Variants in CAGE1 observed in about 807,000 individuals in gnomAD.
CAGE1 encodes cancer antigen 1, also known as cancer-associated gene 1 protein.
In CAGE1, 66 loss-of-function variants were observed where a neutral mutation model predicts 94.9. That is an observed-to-expected ratio of 0.70 (90% confidence interval 0.57 to 0.85). The LOEUF (loss-of-function observed/expected upper bound fraction) is 0.85, where lower values mean the gene tolerates loss of function less well. Among genes scored for constraint, CAGE1 ranks in the 40% least tolerant of loss-of-function variants. The pLI is 0.00. For missense variants in CAGE1, 865 were observed against 950.4 expected (o/e 0.91, Z 1.18); for synonymous variants, 319 against 321.0 (o/e 0.99, Z 0.07).
In CAGE1 at chr6:7,378,890, T is replaced by C; in HGVS notation, c.414A>G (p.Thr138=). ...HWVEAFDDEM[T]EKPEFQSQVY... ...CTTGACTTTGAAATTCTGGCTTCTC[T>C]GTCATTTCATCATCAAATGCTTCTA... Residue 138 remains threonine, a synonymous_variant, in exon 4 of 14, where the codon ACA becomes ACG. Coordinates refer to ENST00000502583, the MANE Select transcript of CAGE1 (RefSeq NM_001170692.2). 3 of 1,610,344 alleles carry C rather than the reference T, an allele frequency of 1.9e-6. No homozygotes were observed. The African/African-American group carries it at 4.0e-5, about 21-fold the overall frequency.
chr6:7,353,971 A>G (rs1023239040), intron 11 of CAGE1, among the ~76,000 whole-genome samples: 21 of 152,052 alleles, frequency 1.4e-4, no homozygotes, highest in Non-Finnish European at 7.4e-5. Context: ...GAGGGATAAA[A>G]GACTATAAAT....
intron 4 of CAGE1, among the ~76,000 whole-genome samples, chr6:7,375,958 G>A (rs1336963860): frequency 3.3e-5 from 5 of 152,168 alleles, no homozygotes; most frequent in African/African-American, 4.8e-5. Context: ...ATCCCCTAAA[G>A]TTAACGTGCC....
At chr6:7,329,405 A>G in intron 13 of CAGE1, 1 of 344,312 alleles carries the variant, frequency 2.9e-6, no homozygotes. Context: ...AGGGGACTTT[A>G]TACGCCTCGC....
intron 11 of CAGE1, among the ~76,000 whole-genome samples, chr6:7,345,319 C>G (rs1018698299): frequency 6.6e-6 from 1 of 152,006 alleles, no homozygotes; most frequent in African/African-American, 2.4e-5. Flanking sequence ...TCTGAACCAG[C>G]GAGACCACTA....
intron 11 of CAGE1, among the ~76,000 whole-genome samples, chr6:7,345,397 A>G (rs868512719): frequency 9.2e-5 from 14 of 152,220 alleles, no homozygotes; most frequent in Non-Finnish European, 1.8e-4. Context: ...CAGATGTGCC[A>G]TCTTAAGAGC....
In CAGE1 at chr6:7,333,630, C is replaced by A. The variant is rs556665434; in HGVS notation, c.2438+392G>T. Among the ~76,000 whole-genome samples, 288 of 64,436 alleles carry A rather than the reference C, an allele frequency of 4.5e-3. 2 individuals carry two copies. Among genetic ancestry groups the A allele is most frequent in the African/African-American group, 0.023 (265 of 11,514 alleles). The allele number at this position is 64,436 out of a possible 152,430, so 42.3% of individuals were successfully genotyped here. Reference sequence around the variant, plus strand: ...TTTTTTTTAAGTATTATCTAACTATCTATCTAACTATCTATATATATATAT... The same window carrying A: ...TTTTTTTTAAGTATTATCTAACTATATATCTAACTATCTATATATATATAT... On this transcript the variant is annotated intron_variant, in intron 12 of 13. Transcript: ENST00000502583.
intron 9 of CAGE1, among the ~76,000 whole-genome samples, chr6:7,364,560 C>G (rs1328576896): frequency 6.6e-6 from 1 of 152,162 alleles, no homozygotes; most frequent in African/African-American, 2.4e-5. Context: ...CCTCCGCCCT[C>G]TGAGTTCAAG....
intron 11 of CAGE1, chr6:7,347,502 G>GT (rs1491112321): frequency 1.6e-5 from 2 of 121,746 alleles, no homozygotes; most frequent in Non-Finnish European, 3.5e-5. Flanking sequence ...CAAAGCGAGG[G>GT]TGGGGGGGGG....
intron 11 of CAGE1, chr6:7,347,377 G>A (rs1211082841): frequency 6.6e-6 from 1 of 152,088 alleles, no homozygotes; most frequent in Non-Finnish European, 1.5e-5. Context: ...CTTACCTGGA[G>A]CTGAGTCAAT....
At chr6:7,330,234 A>G (rs1758700113) in intron 12 of CAGE1, among the ~76,000 whole-genome samples, 1 of 152,140 alleles carries the variant, frequency 6.6e-6, no homozygotes, top group Admixed American at 6.6e-5. Flanking sequence ...CCAAAAATAC[A>G]AAGATTACCT....
chr6:7,335,774 G>T (rs1758933745), intron 11 of CAGE1, among the ~76,000 whole-genome samples: 1 of 152,134 alleles, frequency 6.6e-6, no homozygotes, highest in Non-Finnish European at 1.5e-5. Context: ...CAAGAGTCTT[G>T]CTATGTTGCC....
chr6:7,381,531 C>A (rs1465647146), intron 3 of CAGE1, among the ~76,000 whole-genome samples: 2 of 136,828 alleles, frequency 1.5e-5, no homozygotes, highest in Non-Finnish European at 3.2e-5. Flanking sequence ...TTTTCTATTA[C>A]GTGCCTTTTT....
chr6:7,339,288 C>G lies in CAGE1; in HGVS notation c.2370-5198G>C, dbSNP rs1276826862. The G allele has an allele frequency of 1.9e-6, 3 of 1,582,412 alleles. No homozygotes were observed. The highest frequency in any genetic ancestry group is 1.3e-5 in the African/African-American group (1 of 74,242). Reference sequence around the variant, plus strand: ...TGCCTGGGCAATGGCACACAGACCCCTAGTGGCCACCTCTTCAGCATAAAG... The same window carrying G: ...TGCCTGGGCAATGGCACACAGACCCGTAGTGGCCACCTCTTCAGCATAAAG... On this transcript the variant is annotated intron_variant, in intron 11 of 13. Coordinates refer to ENST00000502583, the MANE Select transcript of CAGE1 (RefSeq NM_001170692.2). The surrounding 1 kb of genome is among the most constrained non-coding windows in gnomAD (Gnocchi z 4.7).
intron 13 of CAGE1, among the ~76,000 whole-genome samples, chr6:7,327,151 C>G (rs1475340571): frequency 6.6e-6 from 1 of 152,150 alleles, no homozygotes; most frequent in Non-Finnish European, 1.5e-5. Flanking sequence ...CTCCCAGGTT[C>G]AAGCGATTCT....
At chr6:7,376,685 C>T (rs923681392) in intron 4 of CAGE1, among the ~76,000 whole-genome samples, 2 of 152,182 alleles carry the variant, frequency 1.3e-5, no homozygotes, top group Non-Finnish European at 2.9e-5. Flanking sequence ...ATCTGCTGTA[C>T]CCCTCCTCCT....
At chr6:7,344,346 G>A (rs1411285420) in intron 11 of CAGE1, among the ~76,000 whole-genome samples, 2 of 152,250 alleles carry the variant, frequency 1.3e-5, no homozygotes, top group Non-Finnish European at 2.9e-5. Context: ...GGGCAATGAG[G>A]GGTTTAGCAC....
chr6:7,337,895 T>C (rs1759018992), intron 11 of CAGE1, among the ~76,000 whole-genome samples: 1 of 152,232 alleles, frequency 6.6e-6, no homozygotes, highest in Non-Finnish European at 1.5e-5. Context: ...AAATTGGAAT[T>C]GCACTGAATC....
intron 9 of CAGE1, among the ~76,000 whole-genome samples, chr6:7,363,441 A>G (rs1025260459): frequency 6.6e-6 from 1 of 152,206 alleles, no homozygotes; most frequent in Non-Finnish European, 1.5e-5. Context: ...GTTGAGTTTC[A>G]TACACTGCCT....
At chr6:7,335,050 T>A (rs988614700) in intron 11 of CAGE1, among the ~76,000 whole-genome samples, 1 of 152,220 alleles carries the variant, frequency 6.6e-6, no homozygotes, top group Non-Finnish European at 1.5e-5. Flanking sequence ...ATCCAGCACC[T>A]GGAGGCCGTC....
Sources: allele counts gnomAD v4.1 joint callset (sites outside exome capture counted in the v4.1 genomes callset), GRCh38; gene constraint gnomAD v4.1.1; non-coding constraint Gnocchi (gnomAD v3.1); transcripts MANE v1.5; gene names NCBI Gene and HGNC (gene_info 2026-07-23, HGNC 2026-07-21).